FAM20C: variants seen among roughly 807,000 people sequenced by gnomAD.
FAM20C encodes the protein FAM20C golgi associated secretory pathway kinase.
FAM20C carries 40 observed loss-of-function variants against 51.5 expected under a neutral mutation model. That is an observed-to-expected ratio of 0.78 (90% CI 0.60 to 1.01). The LOEUF is 1.01. Among genes scored for constraint, FAM20C ranks in the 50% least tolerant of loss-of-function variants. The pLI is 0.00. For missense variants in FAM20C, 861 were observed against 844.7 expected (o/e 1.02, Z -0.24); for synonymous variants, 406 against 380.6 (o/e 1.07, Z -0.78).
chr7:210,598 A>G (rs1786665010), intron 3 of FAM20C, among the ~76,000 whole-genome samples: 1 of 151,892 alleles, frequency 6.6e-6, no homozygotes, highest in African/African-American at 2.4e-5. Flanking sequence ...CCCGCCTCCC[A>G]CCTGTGGGAG....
chr7:222,864 G>A (rs546031774), intron 3 of FAM20C, among the ~76,000 whole-genome samples: 3 of 94,376 alleles, frequency 3.2e-5, no homozygotes, highest in South Asian at 4.7e-4. Flanking sequence ...GTGGGTGCAC[G>A]TGTCGGTGTG....
chr7:207,210 A>G (rs113390728), intron 2 of FAM20C, among the ~76,000 whole-genome samples: 5 of 13,478 alleles, frequency 3.7e-4, no homozygotes, highest in Admixed American at 7.7e-4. Context: ...CCGCACACGT[A>G]TCCACTGTGA....
In FAM20C at chr7:200,485, C is replaced by CAT. The variant is rs199897083; in HGVS notation, c.784+4754_784+4755dup. Reference sequence around the variant, plus strand: ...TGGTGGAAGGTGAGGAGCAAAAGCTCATGCTGCTGAGGCCTGGGGCCACCC... The same window carrying CAT: ...TGGTGGAAGGTGAGGAGCAAAAGCTCATATGCTGCTGAGGCCTGGGGCCACCC... On this transcript the variant is annotated intron_variant, in intron 2 of 9. Transcript: ENST00000313766. Among the ~76,000 whole-genome samples, 876 of 152,308 alleles carry CAT rather than the reference C, an allele frequency of 5.8e-3. 8 individuals carry two copies. Among genetic ancestry groups the CAT allele is most frequent in the African/African-American group, 0.02 (835 of 41,574 alleles).
intron 2 of FAM20C, among the ~76,000 whole-genome samples, chr7:205,121 G>A (rs981595181): frequency 3.9e-5 from 6 of 152,348 alleles, no homozygotes; most frequent in East Asian, 1.9e-4. Flanking sequence ...GAAAGGAGGC[G>A]GGACAGGCGT....
intron 3 of FAM20C, among the ~76,000 whole-genome samples, chr7:244,393 C>A (rs774944580): frequency 1.3e-5 from 2 of 152,214 alleles, no homozygotes; most frequent in Non-Finnish European, 1.5e-5. Flanking sequence ...AATTTACCAC[C>A]CCTGGAACTG....
At chr7:211,892 C>T (rs1786737087) in intron 3 of FAM20C, among the ~76,000 whole-genome samples, 1 of 152,296 alleles carries the variant, frequency 6.6e-6, no homozygotes, top group East Asian at 1.9e-4. Flanking sequence ...CGGGCGTGTG[C>T]GAACCTTTTG....
chr7:215,230 G>C (rs187944840), intron 3 of FAM20C, among the ~76,000 whole-genome samples: 2 of 48,130 alleles, frequency 4.2e-5, no homozygotes, highest in South Asian at 8.7e-4. Flanking sequence ...GCTCCAGCTG[G>C]GGGGGGGAGC....
chr7:231,292 G>C (rs1014646396), intron 3 of FAM20C, among the ~76,000 whole-genome samples: 2 of 152,192 alleles, frequency 1.3e-5, no homozygotes, highest in Non-Finnish European at 2.9e-5. Flanking sequence ...CGGGGTGGCC[G>C]GGGCGGGAGA....
At chr7:219,755 G>C (rs551110626) in intron 3 of FAM20C, among the ~76,000 whole-genome samples, 36 of 152,332 alleles carry the variant, frequency 2.4e-4, no homozygotes, top group Admixed American at 5.2e-4. Flanking sequence ...GCTCACACTG[G>C]CTCTTCTCCT....
chr7:251,961 G>C lies in FAM20C; in HGVS notation c.1072+3531G>C, dbSNP rs960337169. Among the ~76,000 whole-genome samples, 8 of 152,320 alleles carry C rather than the reference G, an allele frequency of 5.3e-5. No homozygotes were observed. The East Asian group carries it at 1.5e-3, about 29-fold the overall frequency. On this transcript the variant is annotated intron_variant, in intron 5 of 9. Coordinates refer to ENST00000313766, the MANE Select transcript of FAM20C (RefSeq NM_020223.4). ...ACGCAGCCCCTGGAACCCCACTGCT[G>C]CCACTCCAGCCGCGCTGCCCTGTCA...
At chr7:200,259 C>T (rs774288403) in intron 2 of FAM20C, among the ~76,000 whole-genome samples, 36 of 149,620 alleles carry the variant, frequency 2.4e-4, no homozygotes, top group Non-Finnish European at 4.4e-4. Flanking sequence ...CTGCAGGTCA[C>T]GGTCCCAGGG....
intron 3 of FAM20C, among the ~76,000 whole-genome samples, chr7:213,532 G>A (rs1786827552): frequency 6.6e-6 from 1 of 152,062 alleles, no homozygotes; most frequent in Non-Finnish European, 1.5e-5. Flanking sequence ...TCATGGCTAA[G>A]TAATATTCCA....
chr7:234,070 C>T (rs1156790569), intron 3 of FAM20C, among the ~76,000 whole-genome samples: 7 of 152,216 alleles, frequency 4.6e-5, no homozygotes, highest in African/African-American at 1.7e-4. Flanking sequence ...GGGCTGCCTT[C>T]CTGCCCCTGC....
intron 3 of FAM20C, among the ~76,000 whole-genome samples, chr7:233,017 G>C (rs1787745131): frequency 6.6e-6 from 1 of 152,224 alleles, no homozygotes; most frequent in South Asian, 2.1e-4. Context: ...GGTTTTTGGA[G>C]GGCCCTGAAG....
In FAM20C at chr7:252,284, G is replaced by A. The variant is rs188302613; in HGVS notation, c.1073-3565G>A. The stretch of plus-strand genomic sequence containing the variant: ...GGCACATCAGAGGGCTGAGCCCACT[G>A]TAGACACCCCCTCGGCCTCCCGACC... On this transcript the variant is annotated intron_variant, in intron 5 of 9. Transcript: ENST00000313766. Among the ~76,000 whole-genome samples the A allele has an allele frequency of 8.5e-3, 1,222 of 143,780 alleles. 12 individuals are homozygous for A. The highest frequency in any genetic ancestry group is 0.012 in the Non-Finnish European group (745 of 64,018). The allele number at this position is 143,780 out of a possible 152,430, so 94.3% of individuals were successfully genotyped here. A position where few individuals can be genotyped will look rare whatever the true frequency, so the allele number is the denominator to read the frequency against.
At chr7:201,517 C>T (rs1269637573) in intron 2 of FAM20C, among the ~76,000 whole-genome samples, 3 of 152,198 alleles carry the variant, frequency 2.0e-5, no homozygotes, top group Non-Finnish European at 2.9e-5. Flanking sequence ...GGGCCACACA[C>T]CTCTCTCTTT....
At chr7:206,913 T>C (rs1364206606) in intron 2 of FAM20C, among the ~76,000 whole-genome samples, 4 of 42,056 alleles carry the variant, frequency 9.5e-5, no homozygotes, top group Non-Finnish European at 1.3e-4. Context: ...TCGGTCACTG[T>C]CCCCTCGGCC....
At chr7:248,939 C>G (rs1268043140) in intron 5 of FAM20C, among the ~76,000 whole-genome samples, 2 of 152,232 alleles carry the variant, frequency 1.3e-5, no homozygotes, top group Non-Finnish European at 2.9e-5. Flanking sequence ...CAACCCACCT[C>G]CCACGCAGGG....
Position 254,510 on chromosome 7 carries a change from C to T in FAM20C, c.1073-1339C>T, listed in dbSNP as rs561575840. Among the ~76,000 whole-genome samples, 7 of 152,240 alleles carry T rather than the reference C, an allele frequency of 4.6e-5. No individual in the cohort carries two copies. In the East Asian group the frequency reaches 5.8e-4, roughly 13 times the overall value. On this transcript the variant is annotated intron_variant, in intron 5 of 9. Coordinates refer to ENST00000313766, the MANE Select transcript of FAM20C (RefSeq NM_020223.4). ...CAAATAAATACAGGAATAGCGCCGTCGGCCGGGCCTCCAGCATCAGAGCAG... is the reference window on the plus strand; with the variant it reads ...CAAATAAATACAGGAATAGCGCCGTTGGCCGGGCCTCCAGCATCAGAGCAG...
Sources: gnomAD v4.1 joint callset for allele counts (sites outside exome capture counted in the v4.1 genomes callset) on GRCh38, gnomAD v4.1.1 for gene constraint, MANE v1.5 for transcripts, NCBI Gene and HGNC (gene_info 2026-07-23, HGNC 2026-07-21) for gene names.